Variants in DNAJC27 observed in about 807,000 individuals in gnomAD.
DNAJC27 encodes DnaJ heat shock protein family (Hsp40) member C27, also known as dnaJ homolog subfamily C member 27.
DNAJC27 carries 25 observed loss-of-function variants against 31.4 expected under a neutral mutation model. The ratio of observed to expected loss-of-function variants is 0.80; its 90% confidence interval spans 0.58 to 1.11. The LOEUF (loss-of-function observed/expected upper bound fraction) is 1.11. Among genes scored for constraint, DNAJC27 ranks in the 50% most tolerant of loss-of-function variants. The pLI, the probability that DNAJC27 is intolerant of heterozygous loss-of-function variation, is 0.00. For synonymous variants in DNAJC27, 106 were observed against 112.7 expected, an observed-to-expected ratio of 0.94 and a Z score of 0.37; for missense variants, 356 against 347.3, an observed-to-expected ratio of 1.02 and a Z score of -0.20.
chr2:24,971,382 C>A (rs1040959851), intron 1 of DNAJC27: 9 of 154,402 alleles, frequency 5.8e-5, no homozygotes, highest in Non-Finnish European at 1.2e-4. Context: ...GGCTGCCGGG[C>A]ACCATTTCGC....
At chr2:24,952,522 G>GT (rs926372468) in intron 5 of DNAJC27, among the ~76,000 whole-genome samples, 8 of 152,074 alleles carry the variant, frequency 5.3e-5, no homozygotes, top group Non-Finnish European at 7.4e-5. Flanking sequence ...GTTGTTTCTA[G>GT]TTTTTTTGCT....
chr2:24,972,016 C>T (rs1326885584), upstream of DNAJC27: 2 of 770,678 alleles, frequency 2.6e-6, no homozygotes, highest in South Asian at 2.3e-5. Flanking sequence ...ACCGCCTCGC[C>T]TCCGCTGCTC....
chr2:24,953,172 A>T (rs1170065958), intron 5 of DNAJC27, among the ~76,000 whole-genome samples: 1 of 152,180 alleles, frequency 6.6e-6, no homozygotes, highest in African/African-American at 2.4e-5. Context: ...TTTTAAATGG[A>T]CATATCTCCT....
intron 6 of DNAJC27, among the ~76,000 whole-genome samples, chr2:24,949,957 G>C (rs1665728435): frequency 6.7e-6 from 1 of 149,466 alleles, no homozygotes; most frequent in Non-Finnish European, 1.5e-5. Flanking sequence ...TTCATAAATG[G>C]AGAAGCTGAT....
chr2:24,944,241 T>C lies in DNAJC27; in HGVS notation c.*3375A>G, dbSNP rs1402875453. 6.6e-6 allele frequency: 1 copy of C among 152,200 alleles called. No homozygotes were observed. Among genetic ancestry groups the C allele is most frequent in the African/African-American group, 2.4e-5 (1 of 41,446 alleles). 9.4% of individuals were successfully genotyped at this position (152,200 alleles called of 1,614,324 possible). ...GTGGAATTAGTTGTAAGACGCGCAC[T>C]GTCACTGTCAAAGGCAACAAGCACA... On this transcript the variant is annotated 3_prime_UTR_variant, in exon 7 of 7. Coordinates refer to ENST00000264711, the MANE Select transcript of DNAJC27 (RefSeq NM_016544.3).
At chr2:24,952,255 T>G (rs1162892244) in intron 5 of DNAJC27, among the ~76,000 whole-genome samples, 1 of 152,220 alleles carries the variant, frequency 6.6e-6, no homozygotes, top group Non-Finnish European at 1.5e-5. Context: ...TTGTTAATTT[T>G]TTTTGAGCAT....
chr2:24,955,159 T>C (rs912724537), intron 5 of DNAJC27, among the ~76,000 whole-genome samples: 1 of 152,164 alleles, frequency 6.6e-6, no homozygotes, highest in Admixed American at 6.5e-5. Flanking sequence ...ACAGCTATTA[T>C]AAATATTTCA....
At chr2:24,953,325 C>T (rs1244537518) in intron 5 of DNAJC27, among the ~76,000 whole-genome samples, 1 of 152,124 alleles carries the variant, frequency 6.6e-6, no homozygotes, top group Non-Finnish European at 1.5e-5. Flanking sequence ...TAACAAGAAG[C>T]CTTGACGTCT....
At chr2:24,951,274 A>G (rs1665767862) in intron 6 of DNAJC27, 120 bp downstream of exon 6, 1 of 1,053,210 alleles carries the variant, frequency 9.5e-7, no homozygotes, top group Non-Finnish European at 1.4e-6. Context: ...TCATTCTAAT[A>G]TATTTTCATA....
rs538220362 is a variant in DNAJC27 at position 24,946,534 on chromosome 2, C to T, written c.*1082G>A. 3 of 152,378 alleles carry T rather than the reference C, an allele frequency of 2.0e-5. No individual in the cohort carries two copies. The highest frequency in any genetic ancestry group is 1.9e-4 in the East Asian group (1 of 5,188). The allele number at this position is 152,378 out of a possible 1,614,324, so 9.4% of individuals were successfully genotyped here. A position where few individuals can be genotyped will look rare whatever the true frequency, so the allele number is the denominator to read the frequency against. Reference sequence around the variant, plus strand: ...TGCTGAGGAGTGGCCCTGCCTTTCTCACCTGCCTGTGGCAAAGGCTGGCAG... The same window carrying T: ...TGCTGAGGAGTGGCCCTGCCTTTCTTACCTGCCTGTGGCAAAGGCTGGCAG... On this transcript the variant is annotated 3_prime_UTR_variant, in exon 7 of 7. Transcript: ENST00000264711.
chr2:24,949,323 G>A (rs961672223), intron 6 of DNAJC27, among the ~76,000 whole-genome samples: 2 of 152,198 alleles, frequency 1.3e-5, no homozygotes, highest in African/African-American at 4.8e-5. Flanking sequence ...CCCCACAAGG[G>A]AGTCCTGGGA....
chr2:24,952,245 T>C (rs909343847), intron 5 of DNAJC27, among the ~76,000 whole-genome samples: 1 of 152,222 alleles, frequency 6.6e-6, no homozygotes, highest in Non-Finnish European at 1.5e-5. Flanking sequence ...GAGGTAACCA[T>C]TGTTAATTTT....
intron 3 of DNAJC27, among the ~76,000 whole-genome samples, chr2:24,962,853 GA>G (rs1257766326): frequency 1.3e-5 from 2 of 151,988 alleles, no homozygotes; most frequent in East Asian, 3.8e-4. Context: ...GGCCAAACCA[GA>G]AAAGAGCAAA....
chr2:24,963,494 A>T lies in DNAJC27; in HGVS notation c.171-20T>A. The T allele has an allele frequency of 6.3e-7, 1 of 1,599,706 alleles. No individual in the cohort carries two copies. The highest frequency in any genetic ancestry group is 8.6e-7 in the Non-Finnish European group (1 of 1,168,864). ...TGTACCCTGAAATGTTCAAATGGAA[A>T]CAATCCGAAAGAAAGTCATGGTTTC... On this transcript the variant is annotated intron_variant, in intron 2 of 6. Transcript: ENST00000264711.
At chr2:24,958,030 T>C in intron 3 of DNAJC27, 56 bp from the exon 4 acceptor site, 1 of 1,520,596 alleles carries the variant, frequency 6.6e-7, no homozygotes, top group Non-Finnish European at 9.0e-7. Flanking sequence ...TATAAGAATG[T>C]ATCTCACAGT....
At chr2:24,949,117 C>T (rs1298199529) in intron 6 of DNAJC27, among the ~76,000 whole-genome samples, 1 of 152,194 alleles carries the variant, frequency 6.6e-6, no homozygotes, top group Non-Finnish European at 1.5e-5. Context: ...CTTGTTCTAG[C>T]AAGAACCTCC....
At chr2:24,970,600 G>C (rs1470039) in intron 1 of DNAJC27, among the ~76,000 whole-genome samples, 64,810 of 151,176 alleles carry the variant, frequency 0.43, 16,797 homozygotes, top group Middle Eastern at 0.61. Flanking sequence ...AAGTAGCTGG[G>C]ATTAAAGGCG....
chr2:24,949,434 G>A (rs1287346858), intron 6 of DNAJC27, among the ~76,000 whole-genome samples: 5 of 152,192 alleles, frequency 3.3e-5, no homozygotes, highest in Non-Finnish European at 5.9e-5. Flanking sequence ...AAGATTTGCA[G>A]GTAGCGGGAG....
intron 3 of DNAJC27, chr2:24,963,126 C>T (rs1666090178): frequency 5.7e-6 from 2 of 348,124 alleles, no homozygotes; most frequent in East Asian, 9.5e-5. Context: ...ACATTTTAGG[C>T]TAAAGTATGA....
Sources: gnomAD v4.1 joint callset for allele counts (sites outside exome capture counted in the v4.1 genomes callset) on GRCh38, gnomAD v4.1.1 for gene constraint, MANE v1.5 for transcripts, NCBI Gene and HGNC (gene_info 2026-07-23, HGNC 2026-07-21) for gene names.